ANO4: variants seen among roughly 807,000 people sequenced by gnomAD.
ANO4 encodes the protein anoctamin 4, also known as anoctamin-4.
A neutral mutation model predicts 141.9 loss-of-function variants in ANO4; 69 were observed. The observed-to-expected ratio is 0.49, with a 90% CI of 0.40 to 0.59. The LOEUF (loss-of-function observed/expected upper bound fraction) is 0.59. Among genes scored for constraint, ANO4 ranks in the 20% least tolerant of loss-of-function variants. The pLI is 0.00. For synonymous variants in ANO4, 350 were observed against 394.3 expected (o/e 0.89, Z 1.33); for missense variants, 894 against 1,162.2 (o/e 0.77, Z 3.36).
intron 1 of ANO4, among the ~76,000 whole-genome samples, chr12:100,891,180 C>T (rs1235024455): frequency 6.6e-6 from 1 of 152,128 alleles, no homozygotes; most frequent in Non-Finnish European, 1.5e-5. Flanking sequence ...TAATAATATT[C>T]CATTGTCTGA....
At chr12:100,793,589 C>T (rs1299778826), upstream of ANO4, among the ~76,000 whole-genome samples, 1 of 151,266 alleles carries the variant, frequency 6.6e-6, no homozygotes, top group Non-Finnish European at 1.5e-5. Flanking sequence ...AAACAGAAAA[C>T]AAAACCCGAG....
intron 1 of ANO4, among the ~76,000 whole-genome samples, chr12:100,875,802 T>A (rs1419549211): frequency 6.6e-6 from 1 of 151,714 alleles, no homozygotes; most frequent in Non-Finnish European, 1.5e-5. Context: ...ACTGGGAGGA[T>A]AAAGGATGCC....
intron 1 of ANO4, chr12:100,885,366 C>T (rs1295908283): frequency 6.6e-6 from 1 of 152,284 alleles, no homozygotes; most frequent in East Asian, 1.9e-4. Context: ...GTTTCAGCTT[C>T]TTGTGTCCTG....
chr12:100,975,646 G>A (rs1340939863), intron 7 of ANO4, among the ~76,000 whole-genome samples: 1 of 151,664 alleles, frequency 6.6e-6, no homozygotes, highest in Non-Finnish European at 1.5e-5. Context: ...TCACCGTGTT[G>A]GCCAGGCTAG....
chr12:100,798,597 CAGT>C (rs1157542608), intron 1 of ANO4, among the ~76,000 whole-genome samples: 2 of 152,110 alleles, frequency 1.3e-5, no homozygotes, highest in Non-Finnish European at 2.9e-5. Flanking sequence ...AACATGTCCT[CAGT>C]AGCATAATAA....
intron 1 of ANO4, among the ~76,000 whole-genome samples, chr12:100,815,984 T>G (rs930948851): frequency 1.3e-5 from 2 of 152,070 alleles, no homozygotes; most frequent in African/African-American, 4.8e-5. Context: ...GGAGTGAAGT[T>G]TGATAAACTT....
intron 2 of ANO4, among the ~76,000 whole-genome samples, chr12:100,737,948 C>G (rs970695072): frequency 2.6e-5 from 4 of 152,000 alleles, no homozygotes; most frequent in African/African-American, 9.7e-5. Flanking sequence ...ATGTCTTGCC[C>G]AAAGCAGGGG....
At chr12:101,028,695 C>T (rs565520836) in intron 9 of ANO4, among the ~76,000 whole-genome samples, 1 of 152,278 alleles carries the variant, frequency 6.6e-6, no homozygotes, top group East Asian at 1.9e-4. Flanking sequence ...ACCAAACCTA[C>T]AATTGATTGG....
chr12:100,717,287 CT>C (rs925741961), upstream of ANO4, among the ~76,000 whole-genome samples: 1 of 151,822 alleles, frequency 6.6e-6, no homozygotes, highest in African/African-American at 2.4e-5. Context: ...CGGAGCGCGG[CT>C]GCCGGTCTAC....
intron 3 of ANO4, among the ~76,000 whole-genome samples, chr12:100,763,957 A>G (rs1236051683): frequency 6.6e-6 from 1 of 152,102 alleles, no homozygotes; most frequent in African/African-American, 2.4e-5. Context: ...ATGTATCTCA[A>G]GTTCCTTTAG....
intron 3 of ANO4, among the ~76,000 whole-genome samples, chr12:100,935,158 T>A (rs1186509353): frequency 6.6e-6 from 1 of 152,180 alleles, no homozygotes; most frequent in African/African-American, 2.4e-5. Flanking sequence ...GAGGGCATCC[T>A]TGTCTTGTGC....
intron 5 of ANO4, among the ~76,000 whole-genome samples, chr12:100,961,389 A>G (rs1316587443): frequency 3.3e-5 from 5 of 152,178 alleles, no homozygotes; most frequent in Admixed American, 1.3e-4. Flanking sequence ...CTTCTGTTCA[A>G]TGGGCTGGGC....
intron 3 of ANO4, among the ~76,000 whole-genome samples, chr12:100,751,440 C>T (rs1000014748): frequency 6.6e-6 from 1 of 152,080 alleles, no homozygotes; most frequent in Non-Finnish European, 1.5e-5. Flanking sequence ...CAAAGAGGCA[C>T]CTAACAGATT....
At chr12:101,007,914 G>T (rs1475574610) in intron 8 of ANO4, among the ~76,000 whole-genome samples, 1 of 152,084 alleles carries the variant, frequency 6.6e-6, no homozygotes, top group Admixed American at 6.6e-5. Context: ...ATTGCGAGCT[G>T]CCCACATGTT....
At chr12:101,088,235 C>G (rs372368986) in intron 17 of ANO4, among the ~76,000 whole-genome samples, 3 of 152,068 alleles carry the variant, frequency 2.0e-5, no homozygotes, top group Non-Finnish European at 2.9e-5. Context: ...TTGCTGTTCT[C>G]TCTGCCTGGA....
intron 1 of ANO4, among the ~76,000 whole-genome samples, chr12:100,851,731 G>A (rs142559008): frequency 6.6e-6 from 1 of 152,148 alleles, no homozygotes; most frequent in Admixed American, 6.5e-5. Flanking sequence ...AATCAAGTAG[G>A]GGGTATGTGA....
chr12:101,029,723 A>G (rs2046892949), intron 9 of ANO4, among the ~76,000 whole-genome samples: 1 of 152,130 alleles, frequency 6.6e-6, no homozygotes, highest in Non-Finnish European at 1.5e-5. Context: ...CATCCTGGCC[A>G]ACATGGTGAA....
intron 8 of ANO4, among the ~76,000 whole-genome samples, chr12:101,016,520 ATTAGAT>A (rs1234425732): frequency 6.6e-6 from 1 of 152,170 alleles, no homozygotes; most frequent in African/African-American, 2.4e-5. Flanking sequence ...CCATTTCAAA[ATTAGAT>A]TTAGAGGGGA....
At chr12:101,071,170 A>G (rs1215094323) in intron 14 of ANO4, among the ~76,000 whole-genome samples, 2 of 152,164 alleles carry the variant, frequency 1.3e-5, no homozygotes, top group African/African-American at 2.4e-5. Context: ...TATCAGGTAT[A>G]TATTCAAAAG....
Sources: allele counts gnomAD v4.1 joint callset (sites outside exome capture counted in the v4.1 genomes callset), GRCh38; gene constraint gnomAD v4.1.1; transcripts MANE v1.5; gene names NCBI Gene and HGNC (gene_info 2026-07-23, HGNC 2026-07-21).